FUT1: variants seen among roughly 807,000 people sequenced by gnomAD.
The protein encoded by FUT1 is fucosyltransferase 1 (H blood group).
For synonymous variants in FUT1, 215 were observed against 208.7 expected (o/e 1.03, Z -0.26); for missense variants, 476 against 492.7 (o/e 0.97, Z 0.32).
upstream of FUT1, among the ~76,000 whole-genome samples, chr19:48,754,431 C>T (rs971456116): frequency 6.6e-6 from 1 of 152,240 alleles, no homozygotes; most frequent in Admixed American, 6.5e-5. Flanking sequence ...TGCTGAGTAA[C>T]GGGTGCCTTC....
In FUT1 at chr19:48,752,131, AAAAG is replaced by A. The variant is rs1568491347; in HGVS notation, c.-3+355_-3+358del. ...TCTTAAAAAAAAAAAAAAAAAAAAA[AAAAG>A]AAAGTGGTCCAGGTTCCTACACCTT... On this transcript the variant is annotated intron_variant, in intron 1 of 1. Transcript: ENST00000645652. This position sits in a 1 kb window ranked among gnomAD's most constrained non-coding sequence, Gnocchi z 4.3. 2.0e-5 allele frequency among the ~76,000 whole-genome samples: 3 copies of A among 150,160 alleles called. No individual in the cohort carries two copies. The highest frequency in any genetic ancestry group is 2.0e-4 in the East Asian group (1 of 4,992).
In FUT1 at chr19:48,750,642, A is replaced by T; in HGVS notation, c.640T>A (p.Phe214Ile). The T allele has an allele frequency of 6.2e-7, 1 of 1,612,396 alleles. No individual in the cohort carries two copies. Among genetic ancestry groups the T allele is most frequent in the Non-Finnish European group, 8.5e-7 (1 of 1,179,926 alleles). ...LGRTGDRPRT[F>I]VGVHVRRGDY... ...CCACGGCGCACGTGGACGCCGACAAAGGTGCGCGGGCGGTCCCCTGTGCGG... is the reference window on the plus strand; with the variant it reads ...CCACGGCGCACGTGGACGCCGACAATGGTGCGCGGGCGGTCCCCTGTGCGG... Residue 214 changes from phenylalanine (F) to isoleucine (I), a missense_variant, in exon 2 of 2, where the codon TTT (phenylalanine) becomes ATT (isoleucine). By Grantham distance (21) the Phe-to-Ile change is conservative (BLOSUM62 0). Coordinates refer to ENST00000645652, the MANE Select transcript of FUT1 (RefSeq NM_001384359.1).
chr19:48,751,087 G>T lies in FUT1; in HGVS notation c.195C>A (p.Asn65Lys), dbSNP rs763594230. 1.2e-6 allele frequency: 2 copies of T among 1,611,904 alleles called. No individual in the cohort carries two copies. The highest frequency in any genetic ancestry group is 1.1e-5 in the South Asian group (1 of 91,008). ...GGTGCTGGGGACAGGAAGAGGAGGC[G>T]TTGGGGCCCATCGCAGTACCCGGCA... ...FCLPGTAMGP[N>K]ASSSCPQHPA... Residue 65 changes from asparagine to lysine, a missense_variant, in exon 2 of 2, where the codon AAC becomes AAA. Transcript: ENST00000645652.
rs1050275969 is a variant in FUT1, at chr19:48,748,158, G to C, written c.*2026C>G. On this transcript the variant is annotated 3_prime_UTR_variant, in exon 2 of 2. Coordinates refer to ENST00000645652, the MANE Select transcript of FUT1 (RefSeq NM_001384359.1). ...TGAGTAGACAGGGGATGTGATCAGAGCTGACTATGTTTAAGGTTTCTTCTT... is the reference window on the plus strand; with the variant it reads ...TGAGTAGACAGGGGATGTGATCAGACCTGACTATGTTTAAGGTTTCTTCTT... 3 of 152,364 alleles carry C rather than the reference G, an allele frequency of 2.0e-5. No individual in the cohort carries two copies. Among genetic ancestry groups the C allele is most frequent in the Non-Finnish European group, 4.4e-5 (3 of 68,084 alleles). 9.4% of individuals were successfully genotyped at this position (152,364 alleles called of 1,614,324 possible). A position where few individuals can be genotyped will look rare whatever the true frequency, so the allele number is the denominator to read the frequency against.
chr19:48,754,262 C>T (rs546864858), upstream of FUT1, among the ~76,000 whole-genome samples: 9 of 151,642 alleles, frequency 5.9e-5, no homozygotes, highest in South Asian at 2.1e-4. Context: ...ACCAGGAGTA[C>T]GGGAGGAAAA....
In FUT1 at chr19:48,750,604, C is replaced by T; in HGVS notation, c.678G>A (p.Gln226=). The part of the protein sequence containing the change: ...GVHVRRGDYL[Q]VMPQRWKGVV... Reference sequence around the variant, plus strand: ...CACCCTTCCAGCGCTGAGGCATAACCTGCAGATAGTCCCCACGGCGCACGT... The same window carrying T: ...CACCCTTCCAGCGCTGAGGCATAACTTGCAGATAGTCCCCACGGCGCACGT... The change falls in exon 2 of 2, where the codon CAG becomes CAA. Residue 226 remains glutamine (Q), a synonymous_variant. Coordinates refer to ENST00000645652, the MANE Select transcript of FUT1 (RefSeq NM_001384359.1). 6.2e-7 allele frequency: 1 copy of T among 1,611,482 alleles called. No individual in the cohort carries two copies. The highest frequency in any genetic ancestry group is 1.1e-5 in the South Asian group (1 of 91,086).
At position 48,750,883 on chromosome 19, in the gene FUT1, TGGG is replaced by T. The variant is rs745740199; in HGVS notation, c.396_398del (p.Pro133del). 6 of 1,613,704 alleles carry T rather than the reference TGGG, an allele frequency of 3.7e-6. No individual in the cohort carries two copies. The South Asian group carries it at 6.6e-5, about 18-fold the overall frequency. On this transcript the variant is annotated inframe_deletion, in exon 2 of 2. Coordinates refer to ENST00000645652, the MANE Select transcript of FUT1 (RefSeq NM_001384359.1). ...GCCACGGCGTGCGGCTGTCCACTTC[TGGG>T]GCCAGCACGGGCAGGGTGATGCGGA...
At chr19:48,751,958 AAAAT>A (rs1377311519) in intron 1 of FUT1, among the ~76,000 whole-genome samples, 2 of 151,962 alleles carry the variant, frequency 1.3e-5, no homozygotes, top group Non-Finnish European at 2.9e-5. Context: ...TCTCCAAAAA[AAAAT>A]AAATAAAATT....
At chr19:48,754,760 G>A (rs917197360), upstream of FUT1, among the ~76,000 whole-genome samples, 8 of 151,684 alleles carry the variant, frequency 5.3e-5, no homozygotes, top group Admixed American at 3.3e-4. Flanking sequence ...CTCTTGCCTC[G>A]GCACCTGGGT....
At chr19:48,754,000 C>G (rs1205679201), upstream of FUT1, among the ~76,000 whole-genome samples, 1 of 151,992 alleles carries the variant, frequency 6.6e-6, no homozygotes, top group Non-Finnish European at 1.5e-5. Flanking sequence ...CTGGCTAACA[C>G]GGTGAAACCC....
Position 48,750,438 on chromosome 19 carries a change from C to G in FUT1, c.844G>C (p.Ala282Pro), listed in dbSNP as rs1392679121. The G allele has an allele frequency of 2.5e-6, 4 of 1,614,144 alleles. No homozygotes were observed. In the African/African-American group the frequency reaches 4.0e-5, roughly 16 times the overall value. The change falls in exon 2 of 2, where the codon GCT becomes CCT. Residue 282 changes from alanine to proline, a missense_variant. By Grantham distance (27) the Ala-to-Pro change is conservative (BLOSUM62 -1). Transcript: ENST00000645652. ...IDTSQGDVTF[A>P]GDGQEATPWK... ...GGTGTAGCCTCCTGTCCATCGCCAG[C>G]AAACGTCACATCGCCCTGGGAGGTG...
chr19:48,755,245 G>A (rs1343466690), upstream of FUT1: 7 of 153,528 alleles, frequency 4.6e-5, no homozygotes, highest in African/African-American at 1.7e-4. Context: ...TCAGACCCAG[G>A]AGTCCAGAGC....
rs1188299483 is a variant in FUT1 at position 48,752,573 on chromosome 19, G to A, written c.-86C>T. Reference sequence around the variant, plus strand: ...CCGCAAAGGCAGGCCACATCCGGCCGCCCCTGGAACGCCAGGCGTCCGGCT... The same window carrying A: ...CCGCAAAGGCAGGCCACATCCGGCCACCCCTGGAACGCCAGGCGTCCGGCT... On this transcript the variant is annotated 5_prime_UTR_variant, in exon 1 of 2. Transcript: ENST00000645652. This position sits in a 1 kb window ranked among gnomAD's most constrained non-coding sequence, Gnocchi z 4.3. The A allele has an allele frequency of 2.0e-6, 2 of 985,342 alleles. No individual in the cohort carries two copies. The highest frequency in any genetic ancestry group is 2.4e-6 in the Non-Finnish European group (2 of 829,934). The allele number at this position is 985,342 out of a possible 1,614,324, so 61.0% of individuals were successfully genotyped here. A position where few individuals can be genotyped will look rare whatever the true frequency, so the allele number is the denominator to read the frequency against.
chr19:48,754,647 A>G (rs1015614320), upstream of FUT1, among the ~76,000 whole-genome samples: 5 of 152,190 alleles, frequency 3.3e-5, no homozygotes, highest in Non-Finnish European at 7.4e-5. Flanking sequence ...GTTTACACTA[A>G]TGATTGATAC....
In FUT1 at chr19:48,749,502, T is replaced by C. The variant is rs560628879; in HGVS notation, c.*682A>G. 1 of 150,798 alleles carries C rather than the reference T, an allele frequency of 6.6e-6. No homozygotes were observed. The highest frequency in any genetic ancestry group is 2.4e-5 in the African/African-American group (1 of 40,822). 9.3% of individuals were successfully genotyped at this position (150,798 alleles called of 1,614,324 possible). On this transcript the variant is annotated 3_prime_UTR_variant, in exon 2 of 2. Transcript: ENST00000645652. ...AATGGCCTGTGCCTGTAGTCCCATC[T>C]ACTCAGGAGGCTGAGACAGGAGAAT...
At position 48,750,318 on chromosome 19, in the gene FUT1, T is replaced by C; in HGVS notation, c.964A>G (p.Thr322Ala). The stretch of plus-strand genomic sequence containing the variant: ...AGGGTGAAGTTGGCCAGGTAGACAG[T>C]GTCTCCGCCAGCCAGGTAGGCAGCC... ...FWAAYLAGGDTVYLANFTLPD... is the reference protein window; with the variant it reads ...FWAAYLAGGDAVYLANFTLPD... Residue 322 changes from threonine (T) to alanine (A), a missense_variant, in exon 2 of 2, where the codon ACT (threonine) becomes GCT (alanine). Thr to Ala is a moderately conservative substitution (Grantham distance 58). Transcript: ENST00000645652. The C allele has an allele frequency of 6.2e-7, 1 of 1,614,154 alleles. No homozygotes were observed. The highest frequency in any genetic ancestry group is 8.5e-7 in the Non-Finnish European group (1 of 1,180,026).
rs1023043621 is a variant in FUT1 at position 48,752,131 on chromosome 19, A to G, written c.-3+359T>C. Among the ~76,000 whole-genome samples the G allele has an allele frequency of 1.8e-4, 27 of 150,162 alleles. No individual in the cohort carries two copies. Among genetic ancestry groups the G allele is most frequent in the East Asian group, 8.0e-4 (4 of 4,992 alleles). ...TCTTAAAAAAAAAAAAAAAAAAAAAAAAAGAAAGTGGTCCAGGTTCCTACA... is the reference window on the plus strand; with the variant it reads ...TCTTAAAAAAAAAAAAAAAAAAAAAGAAAGAAAGTGGTCCAGGTTCCTACA... On this transcript the variant is annotated intron_variant, in intron 1 of 1. Coordinates refer to ENST00000645652, the MANE Select transcript of FUT1 (RefSeq NM_001384359.1). The surrounding 1 kb of genome is among the most constrained non-coding windows in gnomAD (Gnocchi z 4.3).
chr19:48,749,891 G>C lies in FUT1; in HGVS notation c.*293C>G, dbSNP rs780528178. 1.3e-4 allele frequency: 62 copies of C among 459,382 alleles called. No homozygotes were observed. The highest frequency in any genetic ancestry group is 4.4e-5 in the Non-Finnish European group (11 of 250,036). 28.5% of individuals were successfully genotyped at this position (459,382 alleles called of 1,614,324 possible). ...CCAGAGGGAGAGTTCCCCATTCCTG[G>C]GGGCAGCCATCTGGAAGTACTGTAG... On this transcript the variant is annotated 3_prime_UTR_variant, in exon 2 of 2. Transcript: ENST00000645652.
In FUT1 at chr19:48,749,880, C is replaced by A; in HGVS notation, c.*304G>T. The A allele has an allele frequency of 2.3e-6, 1 of 442,390 alleles. No homozygotes were observed. Among genetic ancestry groups the A allele is most frequent in the South Asian group, 2.2e-5 (1 of 45,432 alleles). 27.4% of individuals were successfully genotyped at this position (442,390 alleles called of 1,614,324 possible). A position where few individuals can be genotyped will look rare whatever the true frequency, so the allele number is the denominator to read the frequency against. ...TCTAGAGTAGACCAGAGGGAGAGTT[C>A]CCCATTCCTGGGGGCAGCCATCTGG... On this transcript the variant is annotated 3_prime_UTR_variant, in exon 2 of 2. Coordinates refer to ENST00000645652, the MANE Select transcript of FUT1 (RefSeq NM_001384359.1).
Sources: allele counts gnomAD v4.1 joint callset (sites outside exome capture counted in the v4.1 genomes callset), GRCh38; gene constraint gnomAD v4.1.1; non-coding constraint Gnocchi (gnomAD v3.1); transcripts MANE v1.5; gene names NCBI Gene and HGNC (gene_info 2026-07-23, HGNC 2026-07-21).